SETDB2: variants seen among roughly 807,000 people sequenced by gnomAD.
SETDB2 encodes histone-lysine N-methyltransferase SETDB2.
A neutral mutation model predicts 82.5 loss-of-function variants in SETDB2; 56 were observed. That is an observed-to-expected ratio of 0.68 (90% CI 0.55 to 0.85). SETDB2 has a LOEUF of 0.85. Ranked by LOEUF, SETDB2 falls within the 40% of genes least tolerant of loss-of-function variation. The probability of loss-of-function intolerance (pLI) is 0.00; values close to 1 mark genes in which losing one functional copy is unlikely to be tolerated. For synonymous variants in SETDB2, 272 were observed against 284.9 expected (o/e 0.95, Z 0.46); for missense variants, 677 against 816.4 (o/e 0.83, Z 2.08).
intron 1 of SETDB2, among the ~76,000 whole-genome samples, chr13:49,448,810 C>T (rs1957737889): frequency 6.6e-6 from 1 of 152,188 alleles, no homozygotes; most frequent in East Asian, 1.9e-4. Flanking sequence ...GTTTTTTACC[C>T]ACTTTATCTC....
intron 12 of SETDB2, among the ~76,000 whole-genome samples, chr13:49,490,279 C>CAAAAAAAA (rs60013535): frequency 7.2e-5 from 6 of 83,154 alleles, no homozygotes; most frequent in South Asian, 4.4e-4. Context: ...GACTCCGTCT[C>CAAAAAAAA]AAAAAAAAAA....
intron 3 of SETDB2, 59 bp downstream of exon 3, chr13:49,460,291 C>G: frequency 6.7e-7 from 1 of 1,497,944 alleles, no homozygotes; most frequent in Non-Finnish European, 9.0e-7. Context: ...TCTGACAGTA[C>G]AGTATCATTC....
At chr13:49,470,163 C>T (rs1958198444) in intron 5 of SETDB2, among the ~76,000 whole-genome samples, 1 of 152,114 alleles carries the variant, frequency 6.6e-6, no homozygotes, top group South Asian at 2.1e-4. Flanking sequence ...ACTGTTTTCC[C>T]ATCTCTTTAG....
chr13:49,491,185 C>T (rs1377529846), intron 13 of SETDB2, among the ~76,000 whole-genome samples: 1 of 152,020 alleles, frequency 6.6e-6, no homozygotes, highest in African/African-American at 2.4e-5. Flanking sequence ...GAGTTTGCAC[C>T]CTGTCTCAAA....
Position 49,444,306 on chromosome 13 carries a change from G to A in SETDB2, c.-893G>A. The A allele has an allele frequency of 3.1e-6, 1 of 325,682 alleles. No individual in the cohort carries two copies. Among genetic ancestry groups the A allele is most frequent in the Non-Finnish European group, 6.1e-6 (1 of 164,758 alleles). 20.2% of individuals were successfully genotyped at this position (325,682 alleles called of 1,614,324 possible). A position where few individuals can be genotyped will look rare whatever the true frequency, so the allele number is the denominator to read the frequency against. On this transcript the variant is annotated 5_prime_UTR_variant, in exon 1 of 14. Coordinates refer to ENST00000611815, the MANE Select transcript of SETDB2 (RefSeq NM_001160308.3). ...ACGCCTTCCCTCATCCCCGGTAGAG[G>A]CAGGGCGGGACTGTTGTGGTTGAGA...
At position 49,482,177 on chromosome 13, in the gene SETDB2, T is replaced by C. The variant is rs1023613566; in HGVS notation, c.1157-560T>C. The stretch of plus-strand genomic sequence containing the variant: ...GTTGCTGGAAAATGTAACTAAGATA[T>C]GTCTCCGATCTAACAATGGGTAAGA... On this transcript the variant is annotated intron_variant, in intron 8 of 13. Transcript: ENST00000611815. 35 of 985,356 alleles carry C rather than the reference T, an allele frequency of 3.6e-5. No homozygotes were observed. In the African/African-American group the frequency reaches 5.6e-4, roughly 16 times the overall value. The allele number at this position is 985,356 out of a possible 1,614,324, so 61.0% of individuals were successfully genotyped here. A position where few individuals can be genotyped will look rare whatever the true frequency, so the allele number is the denominator to read the frequency against.
rs533086360 is a variant in SETDB2, at chr13:49,464,522, C to T, written c.209-3342C>T. Among the ~76,000 whole-genome samples the T allele has an allele frequency of 1.5e-3, 222 of 152,156 alleles. 2 individuals carry two copies. Among genetic ancestry groups the T allele is most frequent in the African/African-American group, 5.1e-3 (211 of 41,532 alleles). ...AACATTTCTTTTCTTTCTGAAGAACCTTTTTTTCCGTAAAAAGTAAGTTGG... is the reference window on the plus strand; with the variant it reads ...AACATTTCTTTTCTTTCTGAAGAACTTTTTTTTCCGTAAAAAGTAAGTTGG... On this transcript the variant is annotated intron_variant, in intron 4 of 13. Coordinates refer to ENST00000611815, the MANE Select transcript of SETDB2 (RefSeq NM_001160308.3).
intron 4 of SETDB2, among the ~76,000 whole-genome samples, chr13:49,462,007 A>G (rs915668301): frequency 6.6e-6 from 1 of 152,240 alleles, no homozygotes; most frequent in African/African-American, 2.4e-5. Context: ...TACAAAGGGC[A>G]AAGTTGGGAA....
intron 3 of SETDB2, 117 bp from the exon 4 acceptor site, chr13:49,460,980 A>G: frequency 1.4e-6 from 1 of 729,082 alleles, no homozygotes. Context: ...AGATAGTCCT[A>G]TTAACCTCTC....
chr13:49,480,890 G>A, intron 7 of SETDB2, 57 bp from the exon 8 acceptor site: 1 of 1,578,400 alleles, frequency 6.3e-7, no homozygotes, highest in Non-Finnish European at 8.7e-7. Context: ...TCAGTGAAGT[G>A]TCAATAAACT....
At chr13:49,446,581 A>C (rs1365510886) in intron 1 of SETDB2, among the ~76,000 whole-genome samples, 1 of 152,174 alleles carries the variant, frequency 6.6e-6, no homozygotes, top group Non-Finnish European at 1.5e-5. Flanking sequence ...TTATTTCTTG[A>C]CATTGTTTTT....
In SETDB2 at chr13:49,467,801, G is replaced by A; in HGVS notation, c.209-63G>A. 2.5e-6 allele frequency: 3 copies of A among 1,221,760 alleles called. No homozygotes were observed. In the South Asian group the frequency reaches 4.4e-5, roughly 18 times the overall value. The allele number at this position is 1,221,760 out of a possible 1,614,324, so 75.7% of individuals were successfully genotyped here. A position where few individuals can be genotyped will look rare whatever the true frequency, so the allele number is the denominator to read the frequency against. On this transcript the variant is annotated intron_variant, in intron 4 of 13. Coordinates refer to ENST00000611815, the MANE Select transcript of SETDB2 (RefSeq NM_001160308.3). ...CTCTAGTCAATGAACATATTACTTG[G>A]GTACTTATAGCAAATGGTTTTTAAC...
intron 6 of SETDB2, 31 bp downstream of exon 6, chr13:49,477,070 ATCT>A: frequency 6.6e-7 from 1 of 1,521,466 alleles, no homozygotes; most frequent in Non-Finnish European, 8.8e-7. Flanking sequence ...TTTCAAAAAA[ATCT>A]TCTGAATGTA....
chr13:49,489,741 G>A (rs1445274900), intron 12 of SETDB2, among the ~76,000 whole-genome samples: 3 of 150,284 alleles, frequency 2.0e-5, no homozygotes, highest in South Asian at 2.1e-4. Flanking sequence ...GATTACAGGT[G>A]TGCACCACCA....
At chr13:49,463,708 GC>G (rs534121093) in intron 4 of SETDB2, among the ~76,000 whole-genome samples, 116 of 152,154 alleles carry the variant, frequency 7.6e-4, no homozygotes, top group African/African-American at 2.8e-3. Flanking sequence ...TGCTCAGATG[GC>G]TCATGACCTT....
intron 6 of SETDB2, 85 bp from the exon 7 acceptor site, chr13:49,480,134 A>G: frequency 1.2e-6 from 1 of 829,556 alleles, no homozygotes; most frequent in South Asian, 1.8e-5. Context: ...ATCTTTTATT[A>G]CATCATTTAC....
chr13:49,451,445 C>T (rs1957783770), intron 1 of SETDB2, 108 bp from the exon 2 acceptor site: 1 of 144,908 alleles, frequency 6.9e-6, no homozygotes, highest in Admixed American at 7.0e-5. Context: ...AAAGATCAAG[C>T]TGTTATAACA....
At chr13:49,475,219 T>C (rs556430137) in intron 5 of SETDB2, among the ~76,000 whole-genome samples, 1 of 152,188 alleles carries the variant, frequency 6.6e-6, no homozygotes, top group East Asian at 1.9e-4. Flanking sequence ...GTGAGACTTA[T>C]TCACTATCAC....
At chr13:49,466,773 A>G (rs925382822) in intron 4 of SETDB2, among the ~76,000 whole-genome samples, 1 of 150,256 alleles carries the variant, frequency 6.7e-6, no homozygotes, top group Non-Finnish European at 1.5e-5. Flanking sequence ...GTTCCTAAAT[A>G]GCTAGAACTA....
Sources: allele counts gnomAD v4.1 joint callset (sites outside exome capture counted in the v4.1 genomes callset), GRCh38; gene constraint gnomAD v4.1.1; transcripts MANE v1.5; gene names NCBI Gene and HGNC (gene_info 2026-07-23, HGNC 2026-07-21).